Variants in NCKAP5 observed in about 807,000 individuals in gnomAD.
NCKAP5 encodes NCK associated protein 5.
In NCKAP5, 92 loss-of-function variants were observed where a neutral mutation model predicts 167.0. That is an observed-to-expected ratio of 0.55 (90% CI 0.47 to 0.66). The LOEUF (loss-of-function observed/expected upper bound fraction) is 0.66, where lower values mean the gene tolerates loss of function less well. NCKAP5 is among the 30% of genes least tolerant of loss of function. The probability of loss-of-function intolerance (pLI) is 0.00; values close to 1 mark genes in which losing one functional copy is unlikely to be tolerated. For synonymous variants in NCKAP5, 891 were observed against 877.4 expected, an observed-to-expected ratio of 1.02 and a Z score of -0.27; for missense variants, 2,378 against 2,315.0, an observed-to-expected ratio of 1.03 and a Z score of -0.56.
At chr2:133,046,743 A>G (rs1336294582) in intron 6 of NCKAP5, among the ~76,000 whole-genome samples, 1 of 152,190 alleles carries the variant, frequency 6.6e-6, no homozygotes, top group Non-Finnish European at 1.5e-5. Flanking sequence ...TTGAAAAACC[A>G]TATAAGGCAA....
At chr2:133,353,735 A>G (rs1684519623) in intron 3 of NCKAP5, among the ~76,000 whole-genome samples, 1 of 152,226 alleles carries the variant, frequency 6.6e-6, no homozygotes, top group Admixed American at 6.5e-5. Context: ...GAACATCTCA[A>G]CAATGAGAGG....
At chr2:132,873,156 T>C (rs1416653007) in intron 9 of NCKAP5, among the ~76,000 whole-genome samples, 1 of 152,168 alleles carries the variant, frequency 6.6e-6, no homozygotes, top group East Asian at 1.9e-4. Flanking sequence ...CAGGCTGGAG[T>C]GCAGTAGCAC....
chr2:133,292,121 G>A (rs140298803), intron 4 of NCKAP5, among the ~76,000 whole-genome samples: 12 of 152,214 alleles, frequency 7.9e-5, no homozygotes, highest in Non-Finnish European at 1.3e-4. Flanking sequence ...GCAAACAAAT[G>A]ACTTATTTTT....
chr2:132,828,701 C>G (rs1476897637), intron 11 of NCKAP5, among the ~76,000 whole-genome samples: 1 of 152,154 alleles, frequency 6.6e-6, no homozygotes, highest in African/African-American at 2.4e-5. Context: ...AACAAATAGT[C>G]TTTATTATCA....
chr2:133,586,494 T>G, the NCKAP5 span, among the ~76,000 whole-genome samples: 5 of 152,132 alleles, frequency 3.3e-5, no homozygotes, highest in African/African-American at 9.7e-5. Flanking sequence ...CATATTATTG[T>G]ATCAACTTCA....
chr2:132,887,348 T>TATCTATCTATCC (rs1000015209), intron 8 of NCKAP5, among the ~76,000 whole-genome samples: 27 of 128,700 alleles, frequency 2.1e-4, no homozygotes, highest in African/African-American at 4.3e-4. Context: ...TCTATCTATC[T>TATCTATCTATCC]ATCCATCCAT....
chr2:132,802,141 C>T (rs1685090636), intron 11 of NCKAP5, among the ~76,000 whole-genome samples: 1 of 152,176 alleles, frequency 6.6e-6, no homozygotes, highest in Admixed American at 6.5e-5. Flanking sequence ...AGCACCTGAT[C>T]TGAGAGAAGG....
chr2:133,423,929 TAAAG>T (rs1289688630), intron 3 of NCKAP5, among the ~76,000 whole-genome samples: 2 of 152,196 alleles, frequency 1.3e-5, no homozygotes, highest in African/African-American at 4.8e-5. Context: ...TAAGAAGTCT[TAAAG>T]AGAAGTTCTA....
chr2:133,492,144 AGTGTGTGTGT>A (rs371797170), intron 3 of NCKAP5, among the ~76,000 whole-genome samples: 1 of 141,562 alleles, frequency 7.1e-6, no homozygotes, highest in Non-Finnish European at 1.5e-5. Flanking sequence ...ATATCTAGTT[AGTGTGTGTGT>A]GTGTGTGTGT....
chr2:132,997,617 C>T (rs529812071), intron 6 of NCKAP5, among the ~76,000 whole-genome samples: 2 of 152,014 alleles, frequency 1.3e-5, no homozygotes, highest in South Asian at 2.1e-4. Context: ...ATCATTTTTA[C>T]TGACTCTAAA....
At chr2:132,781,424 A>G (rs575689121) in intron 14 of NCKAP5, among the ~76,000 whole-genome samples, 195 bp from the exon 15 acceptor site, 6 of 152,368 alleles carry the variant, frequency 3.9e-5, no homozygotes, top group African/African-American at 1.4e-4. Context: ...AGATTTGACA[A>G]TATCATAATG....
chr2:133,213,808 G>C, intron 4 of NCKAP5, 29 bp from the exon 5 acceptor site: 1 of 1,611,266 alleles, frequency 6.2e-7, no homozygotes, highest in Non-Finnish European at 8.5e-7. Context: ...ATGATTAGTT[G>C]ACCATTCTCA....
chr2:133,337,648 T>A (rs1385775452), intron 3 of NCKAP5, among the ~76,000 whole-genome samples: 1 of 152,202 alleles, frequency 6.6e-6, no homozygotes, highest in East Asian at 1.9e-4. Flanking sequence ...CACAGAAAGA[T>A]GACTGTGTGA....
chr2:133,673,017 T>C, the NCKAP5 span, among the ~76,000 whole-genome samples: 1 of 152,210 alleles, frequency 6.6e-6, no homozygotes, highest in African/African-American at 2.4e-5. Flanking sequence ...CTTACAGGAC[T>C]TGTGTCCAAA....
the NCKAP5 span, among the ~76,000 whole-genome samples, chr2:133,659,562 G>A: frequency 6.6e-6 from 1 of 152,088 alleles, no homozygotes; most frequent in Admixed American, 6.6e-5. Context: ...GAAAAGACAA[G>A]CTATAGAATG....
intron 3 of NCKAP5, among the ~76,000 whole-genome samples, chr2:133,407,248 C>T (rs1209120269): frequency 1.3e-5 from 2 of 152,206 alleles, no homozygotes; most frequent in Non-Finnish European, 2.9e-5. Flanking sequence ...TTCTTAGGAA[C>T]ACAAAAGTGT....
At chr2:132,995,138 C>G (rs975230170) in intron 6 of NCKAP5, among the ~76,000 whole-genome samples, 4 of 152,132 alleles carry the variant, frequency 2.6e-5, no homozygotes, top group Non-Finnish European at 4.4e-5. Context: ...ACTGTACACT[C>G]TAAACACTGC....
At chr2:132,997,103 C>T (rs573151005) in intron 6 of NCKAP5, among the ~76,000 whole-genome samples, 5 of 152,298 alleles carry the variant, frequency 3.3e-5, no homozygotes, top group African/African-American at 9.6e-5. Flanking sequence ...CCAGTGAATC[C>T]GCTGATGTAG....
At chr2:133,332,741 T>G (rs962891684) in intron 3 of NCKAP5, among the ~76,000 whole-genome samples, 1 of 152,242 alleles carries the variant, frequency 6.6e-6, no homozygotes, top group Non-Finnish European at 1.5e-5. Flanking sequence ...AATAAGTGTT[T>G]CTTTTACCCT....
Sources: gnomAD v4.1 joint callset for allele counts (sites outside exome capture counted in the v4.1 genomes callset) on GRCh38, gnomAD v4.1.1 for gene constraint, MANE v1.5 for transcripts, NCBI Gene and HGNC (gene_info 2026-07-23, HGNC 2026-07-21) for gene names.